Variants in RBFOX1 observed in about 807,000 individuals in gnomAD.
RBFOX1 encodes the protein RNA binding protein fox-1 homolog 1.
RBFOX1 carries 8 observed loss-of-function variants against 57.7 expected under a neutral mutation model. That is an observed-to-expected ratio of 0.14 (90% CI 0.08 to 0.25). RBFOX1 has a LOEUF of 0.25. Among genes scored for constraint, RBFOX1 ranks in the 10% least tolerant of loss-of-function variants. RBFOX1 has a pLI of 1.00. For missense variants in RBFOX1, 611 were observed against 548.5 expected, an observed-to-expected ratio of 1.11 and a Z score of -1.14; for synonymous variants, 326 against 222.4, an observed-to-expected ratio of 1.47 and a Z score of -4.15.
chr16:6,071,954 C>A (rs12932972), intron 1 of RBFOX1, among the ~76,000 whole-genome samples: 2 of 151,962 alleles, frequency 1.3e-5, no homozygotes, highest in Non-Finnish European at 1.5e-5. Flanking sequence ...TGTATGTATA[C>A]ACGACATTTT....
chr16:5,867,332 T>G (rs766276797), exon 4 of RBFOX1: 14 of 1,207,244 alleles, frequency 1.2e-5, no homozygotes, highest in Non-Finnish European at 1.4e-5. Flanking sequence ...CAGGCAAAGC[T>G]GAGGTAGGAA....
chr16:5,864,758 G>A (rs1288376631), intron 3 of RBFOX1, among the ~76,000 whole-genome samples: 1 of 152,062 alleles, frequency 6.6e-6, no homozygotes, highest in Non-Finnish European at 1.5e-5. Flanking sequence ...TCATGTATGT[G>A]TTTTTTGTTT....
intron 1 of RBFOX1, among the ~76,000 whole-genome samples, chr16:6,172,848 A>G (rs1196867807): frequency 2.0e-5 from 3 of 152,152 alleles, no homozygotes; most frequent in African/African-American, 7.2e-5. Context: ...ATTCTTTTAC[A>G]GTTTGAGTGG....
At chr16:6,104,798 A>G (rs1448019176) in intron 1 of RBFOX1, among the ~76,000 whole-genome samples, 1 of 152,250 alleles carries the variant, frequency 6.6e-6, no homozygotes, top group African/African-American at 2.4e-5. Context: ...CTCGGAAAAC[A>G]TTATGCACAT....
At chr16:6,879,970 T>C (rs531690839) in intron 3 of RBFOX1, among the ~76,000 whole-genome samples, 1 of 152,324 alleles carries the variant, frequency 6.6e-6, no homozygotes, top group Admixed American at 6.5e-5. Flanking sequence ...GCATTTCTAC[T>C]TCTTTATTTG....
At chr16:7,486,993 G>C (rs746391199) in intron 4 of RBFOX1, among the ~76,000 whole-genome samples, 37 of 152,080 alleles carry the variant, frequency 2.4e-4, no homozygotes, top group Admixed American at 3.3e-4. Context: ...TCTGCCTCCC[G>C]GGTTCAAGCA....
intron 3 of RBFOX1, among the ~76,000 whole-genome samples, chr16:6,844,407 T>C (rs2093651528): frequency 6.6e-6 from 1 of 152,204 alleles, no homozygotes; most frequent in Non-Finnish European, 1.5e-5. Context: ...CCATGTGTTC[T>C]CATCATTCAC....
intron 3 of RBFOX1, among the ~76,000 whole-genome samples, chr16:6,936,931 T>G (rs987081013): frequency 1.8e-5 from 2 of 109,950 alleles, no homozygotes; most frequent in African/African-American, 7.2e-5. Context: ...GTGATCTCAT[T>G]GGGACTGTTG....
intron 3 of RBFOX1, among the ~76,000 whole-genome samples, chr16:6,873,414 G>A (rs1325188176): frequency 6.6e-6 from 1 of 152,092 alleles, no homozygotes; most frequent in Non-Finnish European, 1.5e-5. Flanking sequence ...AAGAAGAAGT[G>A]CTCACTATGA....
At chr16:6,300,035 T>C (rs1267634948) in intron 1 of RBFOX1, among the ~76,000 whole-genome samples, 1 of 152,220 alleles carries the variant, frequency 6.6e-6, no homozygotes, top group Non-Finnish European at 1.5e-5. Flanking sequence ...TTCTGTCATT[T>C]GTGACAACAT....
At chr16:6,239,330 G>A (rs576833232) in intron 1 of RBFOX1, among the ~76,000 whole-genome samples, 1 of 151,978 alleles carries the variant, frequency 6.6e-6, no homozygotes, top group Non-Finnish European at 1.5e-5. Flanking sequence ...CACCGTGTCC[G>A]AAGGGACCAC....
chr16:7,304,078 G>C, intron 4 of RBFOX1: 1 of 443,470 alleles, frequency 2.3e-6, no homozygotes, highest in Non-Finnish European at 3.0e-6. Context: ...CCAGGTCCCC[G>C]CAAGTGTTTT....
At chr16:6,925,109 G>GTTTTTTTTTTTTTTTTTTTTTTTTTTT (rs57556084) in intron 3 of RBFOX1, among the ~76,000 whole-genome samples, 4 of 45,218 alleles carry the variant, frequency 8.8e-5, no homozygotes, top group African/African-American at 2.7e-4. Flanking sequence ...TAGGTTGTTG[G>GTTTTTTTTTTTTTTTTTTTTTTTTTTT]TTTTTTTTTT....
intron 2 of RBFOX1, among the ~76,000 whole-genome samples, chr16:6,500,329 C>T (rs2095875171): frequency 6.6e-6 from 1 of 152,132 alleles, no homozygotes; most frequent in African/African-American, 2.4e-5. Context: ...TATTTTGCTG[C>T]ACATGGACAT....
chr16:5,981,119 T>C (rs921565403), intron 4 of RBFOX1, among the ~76,000 whole-genome samples: 10 of 152,168 alleles, frequency 6.6e-5, no homozygotes, highest in Non-Finnish European at 1.5e-4. Context: ...CGATACAGAT[T>C]TCCCTTTTTA....
intron 2 of RBFOX1, among the ~76,000 whole-genome samples, chr16:6,336,154 C>T (rs1165812488): frequency 1.8e-4 from 8 of 43,246 alleles, no homozygotes; most frequent in South Asian, 1.4e-3. Context: ...TATACATATA[C>T]ATATATATAT....
chr16:6,714,992 G>A (rs546681987), intron 3 of RBFOX1, among the ~76,000 whole-genome samples: 4 of 152,282 alleles, frequency 2.6e-5, no homozygotes, highest in African/African-American at 9.6e-5. Flanking sequence ...GATGGGTAAG[G>A]TGGTCACAGG....
At chr16:7,014,099 G>A (rs1407665169) in intron 3 of RBFOX1, among the ~76,000 whole-genome samples, 1 of 152,166 alleles carries the variant, frequency 6.6e-6, no homozygotes, top group East Asian at 1.9e-4. Context: ...TGGAATGGCC[G>A]ATTTATTGGG....
Position 7,597,365 on chromosome 16 carries a change from A to G in RBFOX1, c.562-6A>G, listed in dbSNP as rs779656121. 1 of 1,606,350 alleles carries G rather than the reference A, an allele frequency of 6.2e-7. No homozygotes were observed. Among genetic ancestry groups the G allele is most frequent in the East Asian group, 2.2e-5 (1 of 44,664 alleles). On this transcript the variant is annotated splice_polypyrimidine_tract_variant and splice_region_variant and intron_variant, in intron 8 of 15. Coordinates refer to ENST00000550418, the MANE Select transcript of RBFOX1 (RefSeq NM_018723.4). ...ATGTGCTTACTTGAGTTTTCTATGT[A>G]CATAGGTAAATAATGCCACAGCACG...
Sources: gnomAD v4.1 joint callset for allele counts (sites outside exome capture counted in the v4.1 genomes callset) on GRCh38, gnomAD v4.1.1 for gene constraint, MANE v1.5 for transcripts, NCBI Gene and HGNC (gene_info 2026-07-23, HGNC 2026-07-21) for gene names.